Variants in NKAIN3 observed in about 807,000 individuals in gnomAD.
NKAIN3 encodes the protein sodium/potassium-transporting ATPase subunit beta-1-interacting protein 3.
NKAIN3 carries 25 observed loss-of-function variants against 30.2 expected under a neutral mutation model. The observed-to-expected ratio is 0.83, with a 90% CI of 0.60 to 1.16. The LOEUF (loss-of-function observed/expected upper bound fraction) is 1.16, where lower values mean the gene tolerates loss of function less well. NKAIN3 is among the 50% of genes most tolerant of loss of function. The pLI is 0.00. For missense variants in NKAIN3, 225 were observed against 254.1 expected, an observed-to-expected ratio of 0.89 and a Z score of 0.78; for synonymous variants, 91 against 89.6, an observed-to-expected ratio of 1.02 and a Z score of -0.09.
At chr8:62,393,316 A>G (rs759677292) in intron 1 of NKAIN3, among the ~76,000 whole-genome samples, 1 of 151,756 alleles carries the variant, frequency 6.6e-6, no homozygotes, top group Non-Finnish European at 1.5e-5. Context: ...TTTTTTCTAT[A>G]TTTATATTCA....
chr8:62,433,672 T>G (rs1160770633), intron 1 of NKAIN3, among the ~76,000 whole-genome samples: 3 of 152,148 alleles, frequency 2.0e-5, no homozygotes, highest in Admixed American at 6.5e-5. Flanking sequence ...ATTGAGGTTT[T>G]TGCCGTTGCT....
chr8:62,537,332 G>T (rs1344315491), intron 1 of NKAIN3, among the ~76,000 whole-genome samples: 2 of 152,102 alleles, frequency 1.3e-5, no homozygotes, highest in Non-Finnish European at 2.9e-5. Context: ...TTTACTTAGG[G>T]AATACCAATA....
intron 4 of NKAIN3, among the ~76,000 whole-genome samples, chr8:62,777,887 T>C (rs991863558): frequency 8.5e-5 from 13 of 152,096 alleles, no homozygotes; most frequent in Admixed American, 3.3e-4. Context: ...GAGATCTAAG[T>C]TTTTGGCTTC....
intron 1 of NKAIN3, among the ~76,000 whole-genome samples, chr8:62,285,144 G>T (rs191544990): frequency 2.6e-5 from 4 of 151,998 alleles, no homozygotes; most frequent in Non-Finnish European, 5.9e-5. Flanking sequence ...CCCACGCTTC[G>T]CAGATGCTAA....
At chr8:62,802,710 T>C (rs1315748303) in intron 4 of NKAIN3, among the ~76,000 whole-genome samples, 3 of 152,156 alleles carry the variant, frequency 2.0e-5, no homozygotes, top group East Asian at 3.9e-4. Context: ...CATCAATTAA[T>C]GAGCAAAATA....
chr8:62,718,171 G>C (rs1586124355), intron 3 of NKAIN3, among the ~76,000 whole-genome samples: 1 of 152,118 alleles, frequency 6.6e-6, no homozygotes, highest in Admixed American at 6.5e-5. Flanking sequence ...ACCTCCCACT[G>C]GGTCCCTCCC....
At chr8:62,732,023 A>T (rs76409496) in intron 3 of NKAIN3, among the ~76,000 whole-genome samples, 5,400 of 152,172 alleles carry the variant, frequency 0.035, 338 homozygotes, top group African/African-American at 0.12. Flanking sequence ...TTATAAAGTC[A>T]CTTTAAATGC....
At chr8:62,397,479 A>G (rs191777194) in intron 1 of NKAIN3, among the ~76,000 whole-genome samples, 26 of 152,298 alleles carry the variant, frequency 1.7e-4, no homozygotes, top group African/African-American at 6.0e-4. Flanking sequence ...GATAAGTAGT[A>G]TATGCAATTT....
chr8:62,579,594 T>C lies in NKAIN3; in HGVS notation c.110T>C (p.Ile37Thr), dbSNP rs1810228899. 1 of 1,611,048 alleles carries C rather than the reference T, an allele frequency of 6.2e-7. No individual in the cohort carries two copies. Among genetic ancestry groups the C allele is most frequent in the Admixed American group, 1.7e-5 (1 of 59,880 alleles). ...FDFLGFQWAPILGNFLHIIVV... is the reference protein window; with the variant it reads ...FDFLGFQWAPTLGNFLHIIVV... ...TTCCTTGGTTTCCAGTGGGCGCCTA[T>C]TCTTGGAAATTTTCTACACATAATA... is the stretch of plus-strand genomic sequence containing the variant. The change falls in exon 2 of 7, where the codon ATT (isoleucine) becomes ACT (threonine). Residue 37 changes from isoleucine to threonine, a missense_variant. By Grantham distance (89) the Ile-to-Thr change is moderately conservative (BLOSUM62 -1). Coordinates refer to ENST00000623646, the MANE Select transcript of NKAIN3 (RefSeq NM_001304533.3).
intron 4 of NKAIN3, among the ~76,000 whole-genome samples, chr8:62,812,102 T>C (rs1485597762): frequency 7.2e-5 from 11 of 152,024 alleles, no homozygotes; most frequent in Non-Finnish European, 1.6e-4. Context: ...ACTATTTTTC[T>C]ACATTGAATT....
At chr8:62,253,818 A>G (rs941550103) in intron 1 of NKAIN3, among the ~76,000 whole-genome samples, 80 of 152,244 alleles carry the variant, frequency 5.3e-4, no homozygotes, top group African/African-American at 1.9e-3. Flanking sequence ...GGTGCAGCTC[A>G]CCTGTCGTAG....
chr8:62,638,534 C>A (rs2130291697), intron 3 of NKAIN3, among the ~76,000 whole-genome samples: 1 of 152,222 alleles, frequency 6.6e-6, no homozygotes, highest in African/African-American at 2.4e-5. Flanking sequence ...CGTCTACATG[C>A]CCTTGGAGGA....
At chr8:62,927,170 C>T (rs1822475108) in intron 5 of NKAIN3, among the ~76,000 whole-genome samples, 1 of 152,074 alleles carries the variant, frequency 6.6e-6, no homozygotes, top group Non-Finnish European at 1.5e-5. Flanking sequence ...TGACAGCACT[C>T]CCTTCCTCAC....
chr8:62,777,036 C>T (rs1479004461), intron 4 of NKAIN3, among the ~76,000 whole-genome samples: 1 of 152,164 alleles, frequency 6.6e-6, no homozygotes, highest in Non-Finnish European at 1.5e-5. Flanking sequence ...CTCTCATGCT[C>T]TCCAGGGTTG....
At chr8:62,300,778 G>A (rs1760062515) in intron 1 of NKAIN3, among the ~76,000 whole-genome samples, 2 of 152,170 alleles carry the variant, frequency 1.3e-5, no homozygotes, top group South Asian at 4.1e-4. Flanking sequence ...TTGTGGAGCA[G>A]TGAGTGTGTG....
chr8:62,661,244 G>A (rs540532716), intron 3 of NKAIN3, among the ~76,000 whole-genome samples: 7 of 152,032 alleles, frequency 4.6e-5, no homozygotes, highest in Admixed American at 3.3e-4. Context: ...CTTCACAATC[G>A]AGAGAAGGTC....
At position 62,976,594 on chromosome 8, in the gene NKAIN3, G is replaced by T. The variant is rs183772905; in HGVS notation, c.*11187G>T. On this transcript the variant is annotated 3_prime_UTR_variant, in exon 7 of 7. Transcript: ENST00000623646. Reference sequence around the variant, plus strand: ...TATGTGTGTCTTTGCACATGAGATGGGTCTCGAATACAACACACCAATGGG... The same window carrying T: ...TATGTGTGTCTTTGCACATGAGATGTGTCTCGAATACAACACACCAATGGG... Among the ~76,000 whole-genome samples the T allele has an allele frequency of 9.5e-4, 144 of 152,066 alleles. No homozygotes were observed. The highest frequency in any genetic ancestry group is 3.3e-3 in the African/African-American group (135 of 41,502).
intron 1 of NKAIN3, among the ~76,000 whole-genome samples, chr8:62,533,292 T>C (rs1305994706): frequency 1.3e-5 from 2 of 152,228 alleles, no homozygotes; most frequent in Non-Finnish European, 2.9e-5. Context: ...TTTTAACCAG[T>C]AATAACTAGA....
At chr8:62,622,039 G>C (rs993513829) in intron 3 of NKAIN3, among the ~76,000 whole-genome samples, 1 of 151,932 alleles carries the variant, frequency 6.6e-6, no homozygotes, top group African/African-American at 2.4e-5. Flanking sequence ...TTATAGAAAT[G>C]CAATTTTATA....
Sources: allele counts gnomAD v4.1 joint callset (sites outside exome capture counted in the v4.1 genomes callset), GRCh38; gene constraint gnomAD v4.1.1; transcripts MANE v1.5; gene names NCBI Gene and HGNC (gene_info 2026-07-23, HGNC 2026-07-21).